DGKB: variants seen among roughly 807,000 people sequenced by gnomAD.
The protein encoded by DGKB is diacylglycerol kinase beta.
DGKB carries 67 observed loss-of-function variants against 114.3 expected under a neutral mutation model. That is an observed-to-expected ratio of 0.59 (90% CI 0.48 to 0.72). The LOEUF (loss-of-function observed/expected upper bound fraction) is 0.72, where lower values mean the gene tolerates loss of function less well. Among genes scored for constraint, DGKB ranks in the 30% least tolerant of loss-of-function variants. The pLI is 0.00. For missense variants in DGKB, 907 were observed against 975.2 expected (o/e 0.93, Z 0.93); for synonymous variants, 398 against 323.1 (o/e 1.23, Z -2.49).
intron 4 of DGKB, among the ~76,000 whole-genome samples, chr7:14,736,523 A>AC (rs1465035335): frequency 6.6e-6 from 1 of 152,132 alleles, no homozygotes; most frequent in Non-Finnish European, 1.5e-5. Context: ...TAATAATCCC[A>AC]CCCCACATAG....
chr7:14,731,058 C>A (rs1262816056), intron 5 of DGKB, among the ~76,000 whole-genome samples: 1 of 152,112 alleles, frequency 6.6e-6, no homozygotes, highest in East Asian at 1.9e-4. Flanking sequence ...GAAGCAGTTA[C>A]AATGAGTACT....
intron 1 of DGKB, among the ~76,000 whole-genome samples, chr7:14,865,814 T>G (rs2128187814): frequency 6.6e-6 from 1 of 151,980 alleles, no homozygotes; most frequent in East Asian, 1.9e-4. Context: ...ATGAATAGAG[T>G]TAAGCTAAAA....
At chr7:14,617,782 G>C (rs1286121462) in intron 15 of DGKB, among the ~76,000 whole-genome samples, 1 of 151,448 alleles carries the variant, frequency 6.6e-6, no homozygotes, top group Admixed American at 6.6e-5. Context: ...CCTTAGGGTT[G>C]TCCATTCCCC....
At chr7:14,345,738 T>C (rs1287544001) in intron 21 of DGKB, among the ~76,000 whole-genome samples, 1 of 151,694 alleles carries the variant, frequency 6.6e-6, no homozygotes, top group Non-Finnish European at 1.5e-5. Flanking sequence ...TGATACAGCA[T>C]AAAGTTTTTT....
intron 1 of DGKB, among the ~76,000 whole-genome samples, chr7:14,858,478 C>T (rs557960075): frequency 2.7e-4 from 41 of 152,134 alleles, no homozygotes; most frequent in African/African-American, 9.4e-4. Context: ...CAATGAAAGA[C>T]TTTTGTGAAA....
chr7:14,704,291 A>C (rs901074246), intron 6 of DGKB, among the ~76,000 whole-genome samples: 1 of 150,370 alleles, frequency 6.7e-6, no homozygotes. Context: ...AAAAAAAAAA[A>C]AAAAAAATTA....
chr7:14,249,620 C>T (rs1036772553), intron 23 of DGKB, among the ~76,000 whole-genome samples: 2 of 152,044 alleles, frequency 1.3e-5, no homozygotes, highest in African/African-American at 4.8e-5. Context: ...TCTAATTTGT[C>T]AACATATAAT....
intron 20 of DGKB, among the ~76,000 whole-genome samples, chr7:14,495,324 G>C (rs1165061847): frequency 1.3e-5 from 2 of 151,570 alleles, no homozygotes; most frequent in Non-Finnish European, 3.0e-5. Flanking sequence ...GCTTTAAAAG[G>C]GTATGTTTCT....
At chr7:14,947,710 G>A (rs1053876772) in intron 1 of DGKB, among the ~76,000 whole-genome samples, 3 of 151,634 alleles carry the variant, frequency 2.0e-5, no homozygotes, top group Non-Finnish European at 4.4e-5. Context: ...AGAAGTTGGG[G>A]AAAGAGTTGC....
intron 23 of DGKB, among the ~76,000 whole-genome samples, chr7:14,185,755 A>T (rs146932247): frequency 6.6e-6 from 1 of 152,160 alleles, no homozygotes; most frequent in Non-Finnish European, 1.5e-5. Context: ...AAACAAAAAC[A>T]TAAAGTGGGG....
chr7:14,281,573 A>G (rs1290380173), intron 23 of DGKB, among the ~76,000 whole-genome samples: 1 of 147,308 alleles, frequency 6.8e-6, no homozygotes, highest in African/African-American at 2.6e-5. Flanking sequence ...TTTCAGCACC[A>G]CACCACACCT....
intron 6 of DGKB, among the ~76,000 whole-genome samples, chr7:14,717,640 A>G (rs1156905265): frequency 6.6e-6 from 1 of 152,100 alleles, no homozygotes; most frequent in Non-Finnish European, 1.5e-5. Flanking sequence ...ATGCCCCCCA[A>G]TAATAATTCT....
intron 25 of DGKB, among the ~76,000 whole-genome samples, chr7:14,163,875 A>T (rs371473992): frequency 2.0e-5 from 3 of 152,196 alleles, no homozygotes; most frequent in African/African-American, 4.8e-5. Flanking sequence ...GGTGCCTGTA[A>T]TCTCAGCTAC....
intron 2 of DGKB, among the ~76,000 whole-genome samples, chr7:14,818,741 A>G (rs1844505109): frequency 6.6e-6 from 1 of 152,296 alleles, no homozygotes; most frequent in African/African-American, 2.4e-5. Context: ...TCTAGTGAGG[A>G]GAAGGGAATG....
At chr7:14,553,241 G>A (rs1180245361) in intron 20 of DGKB, among the ~76,000 whole-genome samples, 1 of 152,166 alleles carries the variant, frequency 6.6e-6, no homozygotes, top group Non-Finnish European at 1.5e-5. Context: ...TTCCTTTATA[G>A]TACCCTGTAT....
At chr7:14,941,512 G>A (rs1272335497) in intron 1 of DGKB, among the ~76,000 whole-genome samples, 1 of 152,050 alleles carries the variant, frequency 6.6e-6, no homozygotes, top group Non-Finnish European at 1.5e-5. Context: ...TACAAAGTCA[G>A]TGTTCATTCC....
chr7:14,706,393 A>G (rs1277269934), intron 6 of DGKB, among the ~76,000 whole-genome samples: 2 of 146,840 alleles, frequency 1.4e-5, no homozygotes, highest in Non-Finnish European at 3.0e-5. Flanking sequence ...CACTGTCAAC[A>G]TTAGACAGAT....
chr7:14,688,977 A>G (rs1204670247), intron 9 of DGKB, among the ~76,000 whole-genome samples: 1 of 151,950 alleles, frequency 6.6e-6, no homozygotes, highest in Non-Finnish European at 1.5e-5. Context: ...ATTTTTTTTC[A>G]GAAGACCTCA....
chr7:14,219,905 C>G (rs1197940450), intron 23 of DGKB, among the ~76,000 whole-genome samples: 1 of 151,652 alleles, frequency 6.6e-6, no homozygotes, highest in Non-Finnish European at 1.5e-5. Context: ...AGTTTTAGAT[C>G]TTACACTTAC....
Sources: gnomAD v4.1 joint callset for allele counts (sites outside exome capture counted in the v4.1 genomes callset) on GRCh38, gnomAD v4.1.1 for gene constraint, MANE v1.5 for transcripts, NCBI Gene and HGNC (gene_info 2026-07-23, HGNC 2026-07-21) for gene names.